Variants in ANXA8L1 observed in about 807,000 individuals in gnomAD.
ANXA8L1 encodes annexin A8 like 1, also known as annexin A8-like protein 1.
ANXA8L1 carries 10 observed loss-of-function variants against 22.5 expected under a neutral mutation model. The observed-to-expected ratio is 0.44, with a 90% CI of 0.27 to 0.75. ANXA8L1 has a LOEUF of 0.75. Ranked by LOEUF, ANXA8L1 falls within the 30% of genes least tolerant of loss-of-function variation. ANXA8L1 has a pLI of 0.15. For missense variants in ANXA8L1, 88 were observed against 219.6 expected (o/e 0.40, Z 3.79); for synonymous variants, 36 against 86.0 (o/e 0.42, Z 3.22).
rs1471798287 is a variant in ANXA8L1 at position 46,384,808 on chromosome 10, C to T, written c.527C>T (p.Pro176Leu). The T allele has an allele frequency of 8.2e-4, 1,324 of 1,613,130 alleles. 39 individuals carry two copies. In the African/African-American group the frequency reaches 0.014, roughly 17 times the overall value. Residue 176 changes from proline to leucine, a missense_variant, in exon 7 of 12, where the codon CCG (proline) becomes CTG (leucine). By Grantham distance (98) the Pro-to-Leu change is moderately conservative (BLOSUM62 -3). Coordinates refer to ENST00000619162, the MANE Select transcript of ANXA8L1 (RefSeq NM_001098845.3). ...GATGATGTGAGCAGCTTTGTGGACC[C>T]GGCACTGGCCCTCCAAGACGCACAG... is the stretch of plus-strand genomic sequence containing the variant. Reference protein sequence around the residue: ...SRDDVSSFVDPALALQDAQDL... With the variant: ...SRDDVSSFVDLALALQDAQDL...
At position 46,382,582 on chromosome 10, in the gene ANXA8L1, C is replaced by G. The variant is rs1243327923; in HGVS notation, c.211C>G (p.Leu71Val). 2 of 1,275,846 alleles carry G rather than the reference C, an allele frequency of 1.6e-6. No homozygotes were observed. Among genetic ancestry groups the G allele is most frequent in the South Asian group, 1.3e-5 (1 of 79,410 alleles). The allele number at this position is 1,275,846 out of a possible 1,614,324, so 79.0% of individuals were successfully genotyped here. The part of the protein sequence containing the change: ...KSFKAQFGKD[L>V]TETLKSELSG... Reference sequence around the variant, plus strand: ...CCTTTCCCTGTTCCCGCATTAGGACCTCACTGAGACCTTGAAGTCTGAGCT... The same window carrying G: ...CCTTTCCCTGTTCCCGCATTAGGACGTCACTGAGACCTTGAAGTCTGAGCT... The change falls in exon 4 of 12, where the codon CTC (leucine) becomes GTC (valine). Residue 71 changes from leucine to valine, a missense_variant. Physicochemically the swap from Leu to Val is conservative, Grantham distance 32. Coordinates refer to ENST00000619162, the MANE Select transcript of ANXA8L1 (RefSeq NM_001098845.3).
intron 4 of ANXA8L1, 109 bp from the exon 5 acceptor site, chr10:46,383,347 C>T: frequency 8.5e-7 from 1 of 1,180,236 alleles, no homozygotes; most frequent in Non-Finnish European, 1.2e-6. Context: ...TCAAGTGGGG[C>T]AGGGCAGTGA....
chr10:46,381,284 G>A, intron 3 of ANXA8L1, 44 bp downstream of exon 3: 3 of 486,808 alleles, frequency 6.2e-6, no homozygotes, highest in East Asian at 2.8e-5. Flanking sequence ...GAGCCTTGGG[G>A]TTGGGGGTAC....
rs1340781251 is a variant in ANXA8L1 at position 46,390,777 on chromosome 10, A to G, written c.925-94A>G. The G allele has an allele frequency of 5.2e-6, 5 of 964,814 alleles. 1 individual carries two copies. The highest frequency in any genetic ancestry group is 2.4e-5 in the Admixed American group (1 of 42,478). 59.8% of individuals were successfully genotyped at this position (964,814 alleles called of 1,614,324 possible). A position where few individuals can be genotyped will look rare whatever the true frequency, so the allele number is the denominator to read the frequency against. On this transcript the variant is annotated intron_variant, in intron 11 of 11. Transcript: ENST00000619162. Reference sequence around the variant, plus strand: ...TGGAGGGCCGGGCCAGGTGCAGGCCAGGGGCACACCTCTTAGTCATAATAA... The same window carrying G: ...TGGAGGGCCGGGCCAGGTGCAGGCCGGGGGCACACCTCTTAGTCATAATAA...
At chr10:46,378,876 CGATG>C (rs377442622) in intron 1 of ANXA8L1, among the ~76,000 whole-genome samples, 3,152 of 133,406 alleles carry the variant, frequency 0.024, 68 homozygotes, top group Non-Finnish European at 0.034. Flanking sequence ...CCCAGGGCTT[CGATG>C]GATGGATGGA....
At chr10:46,383,286 A>G (rs1347248646) in intron 4 of ANXA8L1, among the ~76,000 whole-genome samples, 170 bp from the exon 5 acceptor site, 5 of 151,440 alleles carry the variant, frequency 3.3e-5, no homozygotes, top group East Asian at 1.9e-4. Flanking sequence ...CTTGCCCTCA[A>G]TGTTCATCAC....
At chr10:46,385,088 C>T (rs1472125756) in intron 7 of ANXA8L1, among the ~76,000 whole-genome samples, 6 of 99,732 alleles carry the variant, frequency 6.0e-5, no homozygotes, top group Admixed American at 5.1e-4. Flanking sequence ...GGGCGCTAGG[C>T]CCCAGTGCTG....
At chr10:46,384,671 G>A in intron 6 of ANXA8L1, 103 bp from the exon 7 acceptor site, 1 of 1,603,170 alleles carries the variant, frequency 6.2e-7, no homozygotes, top group Non-Finnish European at 8.5e-7. Flanking sequence ...CACAGCCAAA[G>A]AGCAGCAGAG....
At chr10:46,390,655 T>C (rs1456400987) in intron 11 of ANXA8L1, among the ~76,000 whole-genome samples, 1 of 139,366 alleles carries the variant, frequency 7.2e-6, no homozygotes, top group African/African-American at 2.6e-5. Context: ...ATCCTGCATG[T>C]AGTTGGTAAG....
At chr10:46,384,712 C>T (rs1413244755) in intron 6 of ANXA8L1, 62 bp from the exon 7 acceptor site, 6 of 1,612,204 alleles carry the variant, frequency 3.7e-6, no homozygotes, top group South Asian at 1.1e-5. Flanking sequence ...CAGGATCCCC[C>T]CTGTGCCCTT....
At chr10:46,378,924 A>AGATG (rs1221122463) in intron 1 of ANXA8L1, among the ~76,000 whole-genome samples, 1 of 134,042 alleles carries the variant, frequency 7.5e-6, no homozygotes, top group Non-Finnish European at 1.6e-5. Flanking sequence ...GCGGGTGCAT[A>AGATG]GATGGATGGG....
At chr10:46,384,976 G>A (rs1430831999) in intron 7 of ANXA8L1, 143 bp downstream of exon 7, 75 of 1,337,292 alleles carry the variant, frequency 5.6e-5, no homozygotes, top group Non-Finnish European at 7.3e-5. Context: ...TGGTGTCTGG[G>A]GAGGAGAGTG....
chr10:46,385,408 G>T lies in ANXA8L1; in HGVS notation c.581G>T (p.Arg194Leu). The T allele has an allele frequency of 8.9e-7, 1 of 1,118,714 alleles. No homozygotes were observed. The highest frequency in any genetic ancestry group is 1.2e-6 in the Non-Finnish European group (1 of 802,182). The allele number at this position is 1,118,714 out of a possible 1,614,324, so 69.3% of individuals were successfully genotyped here. The change falls in exon 8 of 12, where the codon CGT (arginine) becomes CTT (leucine). Residue 194 changes from arginine to leucine, a missense_variant. Arg to Leu is a moderately radical substitution (Grantham distance 102). Coordinates refer to ENST00000619162, the MANE Select transcript of ANXA8L1 (RefSeq NM_001098845.3). ...CTGTATGCGGCAGGCGAGAAGATTCGTGGGACTGATGAGATGAAATTCATC... is the reference window on the plus strand; with the variant it reads ...CTGTATGCGGCAGGCGAGAAGATTCTTGGGACTGATGAGATGAAATTCATC... ...QDLYAAGEKI[R>L]GTDEMKFITI...
At chr10:46,383,183 A>G (rs1222756626) in intron 4 of ANXA8L1, among the ~76,000 whole-genome samples, 3 of 129,058 alleles carry the variant, frequency 2.3e-5, no homozygotes, top group Non-Finnish European at 4.9e-5. Context: ...CTGTTTATGG[A>G]TCGGGATGCT....
Position 46,375,835 on chromosome 10 carries a change from C to T in ANXA8L1, c.-17C>T. ...TCTCTTCATCTCCGTGAGAAAGGTG[C>T]CCCCGAAGTGAAAGAGATGGCCTGG... On this transcript the variant is annotated 5_prime_UTR_variant, in exon 1 of 12. Transcript: ENST00000619162. The T allele has an allele frequency of 5.6e-6, 9 of 1,607,058 alleles. No individual in the cohort carries two copies. The South Asian group carries it at 8.8e-5, about 16-fold the overall frequency.
At position 46,384,817 on chromosome 10, in the gene ANXA8L1, C is replaced by T. The variant is rs1217264124; in HGVS notation, c.536C>T (p.Ala179Val). The change falls in exon 7 of 12, where the codon GCC (alanine) becomes GTC (valine). Residue 179 changes from alanine to valine, a missense_variant. Ala to Val is a moderately conservative substitution (Grantham distance 64). Coordinates refer to ENST00000619162, the MANE Select transcript of ANXA8L1 (RefSeq NM_001098845.3). ...DVSSFVDPAL[A>V]LQDAQDLYAA... ...AGCAGCTTTGTGGACCCGGCACTGG[C>T]CCTCCAAGACGCACAGGTGAGGCTG... is the stretch of plus-strand genomic sequence containing the variant. The T allele has an allele frequency of 9.9e-6, 16 of 1,613,034 alleles. No individual in the cohort carries two copies. Among genetic ancestry groups the T allele is most frequent in the Non-Finnish European group, 1.3e-5 (15 of 1,179,848 alleles).
rs1839991292 is a variant in ANXA8L1, at chr10:46,382,704, G to C, written c.321+12G>C. 2 of 1,257,164 alleles carry C rather than the reference G, an allele frequency of 1.6e-6. 1 individual carries two copies. The highest frequency in any genetic ancestry group is 2.6e-5 in the South Asian group (2 of 78,372). 77.9% of individuals were successfully genotyped at this position (1,257,164 alleles called of 1,614,324 possible). On this transcript the variant is annotated intron_variant, in intron 4 of 11. Coordinates refer to ENST00000619162, the MANE Select transcript of ANXA8L1 (RefSeq NM_001098845.3). ...ATGACGCCATGAAGGTAACCAGGCA[G>C]ACAGGGCAGGGGAGTGGCAGGGGTG...
intron 7 of ANXA8L1, among the ~76,000 whole-genome samples, 197 bp downstream of exon 7, chr10:46,385,030 G>A (rs1588896730): frequency 8.2e-6 from 1 of 121,444 alleles, no homozygotes; most frequent in Non-Finnish European, 1.7e-5. Flanking sequence ...ACTTGGGGGT[G>A]GGGGAGCACT....
intron 9 of ANXA8L1, 125 bp downstream of exon 9, chr10:46,385,932 C>T: frequency 3.2e-5 from 5 of 156,612 alleles, no homozygotes; most frequent in South Asian, 1.5e-4. Flanking sequence ...ACGGGATGTC[C>T]CCCCGACTCA....
Sources: gnomAD v4.1 joint callset for allele counts (sites outside exome capture counted in the v4.1 genomes callset) on GRCh38, gnomAD v4.1.1 for gene constraint, MANE v1.5 for transcripts, NCBI Gene and HGNC (gene_info 2026-07-23, HGNC 2026-07-21) for gene names.